The following ABCA4 variants were observed in gnomAD, a reference collection of about 807,000 sequenced individuals.
The protein encoded by ABCA4 is retinal-specific phospholipid-transporting ATPase ABCA4.
Under a neutral mutation model 263.7 loss-of-function variants are expected in ABCA4, and 196 were observed. The ratio of observed to expected loss-of-function variants is 0.74; its 90% confidence interval spans 0.66 to 0.84. The LOEUF (loss-of-function observed/expected upper bound fraction) is 0.84, where lower values mean the gene tolerates loss of function less well. Ranked by LOEUF, ABCA4 falls within the 40% of genes least tolerant of loss-of-function variation. The pLI is 0.00. For missense variants in ABCA4, 2,792 were observed against 2,855.1 expected (o/e 0.98, Z 0.50); for synonymous variants, 1,133 against 1,094.2 (o/e 1.04, Z -0.70).
chr1:94,084,147 G>C (rs1661775363), intron 6 of ABCA4, among the ~76,000 whole-genome samples: 1 of 152,214 alleles, frequency 6.6e-6, no homozygotes, highest in South Asian at 2.1e-4. Flanking sequence ...TGAACATCTG[G>C]TTTTCTGGAA....
chr1:94,011,304 G>C lies in ABCA4; in HGVS notation c.5542C>G (p.Leu1848Val). 6.2e-6 allele frequency: 10 copies of C among 1,614,116 alleles called. No homozygotes were observed. The highest frequency in any genetic ancestry group is 8.5e-6 in the Non-Finnish European group (10 of 1,180,020). ...HFCLGRGLID[L>V]ALSQAVTDVY... is the part of the protein sequence containing the mutation. ...TCTGTCACAGCCTGGCTCAGTGCAA[G>C]GTCAATGAGGCCCCGGCCCAGGCAG... Residue 1848 changes from leucine (L) to valine (V), a missense_variant, in exon 39 of 50, where the codon CTT becomes GTT. By Grantham distance (32) the Leu-to-Val change is conservative. Transcript: ENST00000370225.
chr1:94,047,997 A>C (rs974699732), intron 18 of ABCA4, among the ~76,000 whole-genome samples: 3 of 152,234 alleles, frequency 2.0e-5, no homozygotes, highest in African/African-American at 7.2e-5. Context: ...CCTTGCCTGC[A>C]ACTGAGGTGG....
At position 94,099,096 on chromosome 1, in the gene ABCA4, A is replaced by G. The variant is rs1031483556; in HGVS notation, c.571-105T>C. On this transcript the variant is annotated intron_variant, in intron 5 of 49. Transcript: ENST00000370225. ...TACCTTGTGTTACATGGCGACAGGAATTAAGATCGCAGATGGGATTAAAGC... is the reference window on the plus strand; with the variant it reads ...TACCTTGTGTTACATGGCGACAGGAGTTAAGATCGCAGATGGGATTAAAGC... The G allele has an allele frequency of 2.6e-5, 33 of 1,266,576 alleles. 1 individual carries two copies. In the South Asian group the frequency reaches 3.8e-4, roughly 15 times the overall value. The allele number at this position is 1,266,576 out of a possible 1,614,324, so 78.5% of individuals were successfully genotyped here. A position where few individuals can be genotyped will look rare whatever the true frequency, so the allele number is the denominator to read the frequency against.
chr1:94,078,830 T>C (rs1160195555), intron 9 of ABCA4, 124 bp from the exon 10 acceptor site: 13 of 791,016 alleles, frequency 1.6e-5, no homozygotes, highest in Non-Finnish European at 2.5e-5. Flanking sequence ...GGAAGTGTTT[T>C]TATTTTCTCA....
At chr1:94,033,804 G>A (rs553325993) in intron 26 of ABCA4, among the ~76,000 whole-genome samples, 1 of 152,184 alleles carries the variant, frequency 6.6e-6, no homozygotes, top group African/African-American at 2.4e-5. Context: ...AAGTTCTGCA[G>A]GTTCTCGGTG....
intron 6 of ABCA4, among the ~76,000 whole-genome samples, chr1:94,084,696 G>A (rs1295037200): frequency 6.6e-6 from 1 of 152,194 alleles, no homozygotes; most frequent in Non-Finnish European, 1.5e-5. Flanking sequence ...GAACAACTAA[G>A]CTGCTATTGA....
chr1:94,045,382 T>G (rs1359500456), intron 19 of ABCA4, among the ~76,000 whole-genome samples: 1 of 151,780 alleles, frequency 6.6e-6, no homozygotes, highest in Non-Finnish European at 1.5e-5. Flanking sequence ...TTGTAAGGCT[T>G]AAATGAGTTA....
chr1:94,008,657 AT>A, intron 41 of ABCA4, 93 bp downstream of exon 41: 1 of 1,564,524 alleles, frequency 6.4e-7, no homozygotes, highest in Non-Finnish European at 8.8e-7. Flanking sequence ...AATTGCTTGC[AT>A]AAGCATATCA....
At chr1:94,085,944 G>A (rs1340280153) in intron 6 of ABCA4, among the ~76,000 whole-genome samples, 1 of 151,932 alleles carries the variant, frequency 6.6e-6, no homozygotes, top group South Asian at 2.1e-4. Context: ...CTTTTTCTAT[G>A]CCTCTTGCTC....
chr1:94,071,337 C>T (rs1661392435), intron 11 of ABCA4, among the ~76,000 whole-genome samples: 2 of 152,190 alleles, frequency 1.3e-5, no homozygotes, highest in Admixed American at 1.3e-4. Flanking sequence ...TACTTTCAAG[C>T]AGGAAAATCC....
Position 94,080,729 on chromosome 1 carries a change from G to A in ABCA4, c.859-11C>T, listed in dbSNP as rs61753053. ...CGGCCGATGGATAAACTAGGGCAAG[G>A]CAAAGTCTTCAGGTTATTTTAAGGC... On this transcript the variant is annotated splice_polypyrimidine_tract_variant and intron_variant, in intron 7 of 49. Coordinates refer to ENST00000370225, the MANE Select transcript of ABCA4 (RefSeq NM_000350.3). 3.7e-6 allele frequency: 6 copies of A among 1,614,128 alleles called. No homozygotes were observed. The African/African-American group carries it at 4.0e-5, about 11-fold the overall frequency.
chr1:94,065,536 G>A (rs1248963159), intron 11 of ABCA4, among the ~76,000 whole-genome samples: 1 of 152,208 alleles, frequency 6.6e-6, no homozygotes, highest in African/African-American at 2.4e-5. Flanking sequence ...GGAAGCCTCT[G>A]GCGATTCAGA....
intron 21 of ABCA4, among the ~76,000 whole-genome samples, 186 bp from the exon 22 acceptor site, chr1:94,043,084 A>T (rs1172617351): frequency 1.3e-5 from 2 of 152,160 alleles, no homozygotes; most frequent in African/African-American, 4.8e-5. Context: ...GGCAACCCTC[A>T]CCTCCTCGGA....
chr1:94,054,610 T>C (rs538273402), intron 16 of ABCA4, among the ~76,000 whole-genome samples: 21 of 152,234 alleles, frequency 1.4e-4, no homozygotes, highest in African/African-American at 4.8e-4. Flanking sequence ...GCTCGGTGTA[T>C]TAAACAGTCA....
chr1:94,084,925 T>C (rs1661792062), intron 6 of ABCA4, among the ~76,000 whole-genome samples: 6 of 152,172 alleles, frequency 3.9e-5, no homozygotes, highest in Admixed American at 3.9e-4. Context: ...GATAAGCAAG[T>C]TAGCCCCAAG....
intron 1 of ABCA4, among the ~76,000 whole-genome samples, chr1:94,114,730 G>T (rs775286130): frequency 1.8e-4 from 27 of 151,758 alleles, no homozygotes; most frequent in Non-Finnish European, 3.1e-4. Flanking sequence ...CTGGTGATCC[G>T]CCTGCCTCAG....
At chr1:94,104,234 G>C (rs1006695625) in intron 4 of ABCA4, among the ~76,000 whole-genome samples, 3 of 152,198 alleles carry the variant, frequency 2.0e-5, no homozygotes, top group African/African-American at 7.2e-5. Flanking sequence ...TTATGGGCCT[G>C]GATGTCTACG....
intron 1 of ABCA4, among the ~76,000 whole-genome samples, chr1:94,115,837 C>T (rs1452200272): frequency 6.6e-6 from 1 of 152,176 alleles, no homozygotes; most frequent in African/African-American, 2.4e-5. Flanking sequence ...CCTCCACTTA[C>T]GTTCATCTCC....
chr1:94,097,416 T>G (rs1215966453), intron 6 of ABCA4, among the ~76,000 whole-genome samples: 2 of 152,162 alleles, frequency 1.3e-5, no homozygotes, highest in Non-Finnish European at 1.5e-5. Flanking sequence ...TCCTGGGACT[T>G]GAGAGAGCAG....
Sources: gnomAD v4.1 joint callset for allele counts (sites outside exome capture counted in the v4.1 genomes callset) on GRCh38, gnomAD v4.1.1 for gene constraint, MANE v1.5 for transcripts, NCBI Gene and HGNC (gene_info 2026-07-23, HGNC 2026-07-21) for gene names.